Variants in LRRC28 observed in about 807,000 individuals in gnomAD.
LRRC28 encodes leucine-rich repeat-containing protein 28.
In LRRC28, 39 loss-of-function variants were observed where a neutral mutation model predicts 45.7. The ratio of observed to expected loss-of-function variants is 0.85; its 90% CI spans 0.66 to 1.12. The LOEUF (loss-of-function observed/expected upper bound fraction) is 1.12, where lower values mean the gene tolerates loss of function less well. Ranked by LOEUF, LRRC28 falls within the 50% of genes most tolerant of loss-of-function variation. LRRC28 has a pLI of 0.00. For missense variants in LRRC28, 435 were observed against 438.5 expected (o/e 0.99, Z 0.07); for synonymous variants, 206 against 178.8 (o/e 1.15, Z -1.22).
intron 6 of LRRC28, among the ~76,000 whole-genome samples, chr15:99,339,674 G>A (rs200075355): frequency 1.3e-5 from 2 of 150,662 alleles, no homozygotes; most frequent in East Asian, 1.9e-4. Context: ...GCAGTGAGCC[G>A]AGATCGCACC....
chr15:99,333,909 G>A lies in LRRC28; in HGVS notation c.386-14G>A, dbSNP rs539526677. The A allele has an allele frequency of 1.9e-6, 3 of 1,613,394 alleles. No homozygotes were observed. In the African/African-American group the frequency reaches 4.0e-5, roughly 22 times the overall value. On this transcript the variant is annotated splice_polypyrimidine_tract_variant and intron_variant, in intron 5 of 9. Transcript: ENST00000301981. ...TAAGGATGCAATTTATCCTAATTTTGATTTTGGTTGTAGAGGTTGGCGATT... is the reference window on the plus strand; with the variant it reads ...TAAGGATGCAATTTATCCTAATTTTAATTTTGGTTGTAGAGGTTGGCGATT...
chr15:99,285,235 G>A, intron 3 of LRRC28: 1 of 732,256 alleles, frequency 1.4e-6, no homozygotes, highest in South Asian at 1.3e-5. Context: ...GTTCTTCAGT[G>A]TCTTCTTTAA....
chr15:99,386,352 A>G lies in LRRC28; in HGVS notation c.*250A>G. On this transcript the variant is annotated 3_prime_UTR_variant, in exon 10 of 10. Transcript: ENST00000301981. ...TGTGAGTGTGTCTTTTACAGAAACC[A>G]TTTAGATTGATGGGCCTCCCCAAAT... The G allele has an allele frequency of 5.0e-6, 2 of 403,478 alleles. No individual in the cohort carries two copies. Among genetic ancestry groups the G allele is most frequent in the Non-Finnish European group, 8.8e-6 (2 of 226,050 alleles). 25.0% of individuals were successfully genotyped at this position (403,478 alleles called of 1,614,324 possible).
At chr15:99,258,133 A>C in intron 2 of LRRC28, 3 of 1,609,912 alleles carry the variant, frequency 1.9e-6, no homozygotes, top group Non-Finnish European at 2.6e-6. Context: ...AATCTTGAAC[A>C]AACGAGTTTT....
intron 7 of LRRC28, among the ~76,000 whole-genome samples, chr15:99,357,157 A>G (rs921468605): frequency 1.3e-5 from 2 of 152,212 alleles, no homozygotes; most frequent in African/African-American, 4.8e-5. Context: ...ATGACACAGC[A>G]TACTTTCTGA....
intron 2 of LRRC28, among the ~76,000 whole-genome samples, chr15:99,275,761 T>C (rs1232609093): frequency 6.6e-6 from 1 of 152,146 alleles, no homozygotes; most frequent in Non-Finnish European, 1.5e-5. Flanking sequence ...TCACTCCAGT[T>C]TCTGGTTCTT....
intron 3 of LRRC28, among the ~76,000 whole-genome samples, chr15:99,286,426 C>T (rs555993406): frequency 3.5e-4 from 54 of 152,262 alleles, no homozygotes; most frequent in Non-Finnish European, 5.6e-4. Flanking sequence ...CCACCGCGCC[C>T]GGCCATAAAG....
intron 5 of LRRC28, among the ~76,000 whole-genome samples, chr15:99,329,392 C>A (rs982857870): frequency 6.6e-6 from 1 of 152,180 alleles, no homozygotes; most frequent in African/African-American, 2.4e-5. Flanking sequence ...CAAGAAATCT[C>A]CCCTGCCAAA....
chr15:99,299,437 A>G (rs1213151267), intron 5 of LRRC28, among the ~76,000 whole-genome samples: 1 of 152,224 alleles, frequency 6.6e-6, no homozygotes, highest in Non-Finnish European at 1.5e-5. Context: ...TAGATTTCAT[A>G]TATAGGTACA....
intron 5 of LRRC28, among the ~76,000 whole-genome samples, chr15:99,303,158 C>T (rs2152247681): frequency 6.6e-6 from 1 of 152,304 alleles, no homozygotes; most frequent in East Asian, 1.9e-4. Flanking sequence ...TTGGTATCTT[C>T]AGTCTTTTTT....
rs1486488117 is a variant in LRRC28, at chr15:99,285,462, C to T, written c.210-1795C>T. 1.7e-4 allele frequency: 145 copies of T among 852,930 alleles called. 4 individuals carry two copies. The Admixed American group carries it at 1.9e-3, about 11-fold the overall frequency. 52.8% of individuals were successfully genotyped at this position (852,930 alleles called of 1,614,324 possible). On this transcript the variant is annotated intron_variant, in intron 3 of 9. Coordinates refer to ENST00000301981, the MANE Select transcript of LRRC28 (RefSeq NM_144598.5). ...CTCCCATGACCACACAGTCCGTGAG[C>T]GTTCCCCATTGCTCAGAGTGACTCC...
At chr15:99,301,624 A>G (rs1954972775) in intron 5 of LRRC28, among the ~76,000 whole-genome samples, 1 of 152,192 alleles carries the variant, frequency 6.6e-6, no homozygotes, top group Admixed American at 6.5e-5. Flanking sequence ...TCTGATATTC[A>G]TTCTACCATT....
chr15:99,312,267 A>G (rs569126140), intron 5 of LRRC28, among the ~76,000 whole-genome samples: 1 of 152,358 alleles, frequency 6.6e-6, no homozygotes, highest in East Asian at 1.9e-4. Context: ...CCTGTGCAGC[A>G]TGGTACTATA....
intron 5 of LRRC28, among the ~76,000 whole-genome samples, chr15:99,288,716 G>A (rs2082029316): frequency 1.3e-5 from 2 of 150,826 alleles, no homozygotes; most frequent in Non-Finnish European, 2.9e-5. Flanking sequence ...GTCTCACTCT[G>A]TTGCCCAGGC....
intron 9 of LRRC28, among the ~76,000 whole-genome samples, chr15:99,380,296 C>T (rs1398920385): frequency 6.6e-6 from 1 of 152,150 alleles, no homozygotes; most frequent in Non-Finnish European, 1.5e-5. Flanking sequence ...ATGTAATGGC[C>T]TTCTTTGTCT....
At chr15:99,259,506 T>G in intron 2 of LRRC28, 1 of 1,165,070 alleles carries the variant, frequency 8.6e-7, no homozygotes, top group South Asian at 1.2e-5. Flanking sequence ...AAGGACAAGA[T>G]TGAAAAGGCT....
chr15:99,349,516 G>A (rs989121178), intron 6 of LRRC28, among the ~76,000 whole-genome samples: 1 of 152,152 alleles, frequency 6.6e-6, no homozygotes, highest in African/African-American at 2.4e-5. Context: ...GCTTAAACTT[G>A]GATGTCACAG....
intron 3 of LRRC28, among the ~76,000 whole-genome samples, 182 bp from the exon 4 acceptor site, chr15:99,287,075 T>C (rs2081976857): frequency 6.6e-6 from 1 of 152,194 alleles, no homozygotes; most frequent in South Asian, 2.1e-4. Flanking sequence ...GTACAAAATA[T>C]TTTTCTCAAA....
At chr15:99,274,405 C>A (rs1597203997) in intron 2 of LRRC28, among the ~76,000 whole-genome samples, 1 of 152,060 alleles carries the variant, frequency 6.6e-6, no homozygotes, top group African/African-American at 2.4e-5. Flanking sequence ...AAAATATAAG[C>A]CTTTAGTGTT....
Sources: allele counts gnomAD v4.1 joint callset (sites outside exome capture counted in the v4.1 genomes callset), GRCh38; gene constraint gnomAD v4.1.1; transcripts MANE v1.5; gene names NCBI Gene and HGNC (gene_info 2026-07-23, HGNC 2026-07-21).